TLN2: variants seen among roughly 807,000 people sequenced by gnomAD.
TLN2 encodes the protein talin 2.
In TLN2, 118 loss-of-function variants were observed where a neutral mutation model predicts 294.7. The ratio of observed to expected loss-of-function variants is 0.40; its 90% CI spans 0.34 to 0.47. The LOEUF is 0.47. Ranked by LOEUF, TLN2 falls within the 20% of genes least tolerant of loss-of-function variation. The pLI is 0.84. For synonymous variants in TLN2, 1,431 were observed against 1,304.5 expected (o/e 1.10, Z -2.09); for missense variants, 3,083 against 3,282.2 (o/e 0.94, Z 1.48).
At chr15:62,544,790 G>T (rs1264512472) in intron 1 of TLN2, among the ~76,000 whole-genome samples, 1 of 151,476 alleles carries the variant, frequency 6.6e-6, no homozygotes, top group Admixed American at 6.6e-5. Context: ...TCCTAGAATG[G>T]CAGGTTCTAA....
chr15:62,560,535 C>T (rs1447371207), intron 1 of TLN2, among the ~76,000 whole-genome samples: 2 of 152,274 alleles, frequency 1.3e-5, no homozygotes, highest in East Asian at 1.9e-4. Context: ...TCATATTGGC[C>T]GGGCTGGTCT....
At chr15:62,539,067 C>T (rs912685818) in intron 1 of TLN2, among the ~76,000 whole-genome samples, 2 of 152,060 alleles carry the variant, frequency 1.3e-5, no homozygotes, top group African/African-American at 4.8e-5. Context: ...CAGGGCCAAC[C>T]ACAGCAAAAA....
intron 1 of TLN2, among the ~76,000 whole-genome samples, chr15:62,555,729 TCAAA>T (rs1234461367): frequency 2.0e-5 from 3 of 152,196 alleles, no homozygotes; most frequent in Non-Finnish European, 4.4e-5. Context: ...GTATAATGTG[TCAAA>T]CAGTTTGCTC....
intron 1 of TLN2, among the ~76,000 whole-genome samples, chr15:62,536,255 A>T (rs777668802): frequency 6.6e-6 from 1 of 152,158 alleles, no homozygotes; most frequent in Non-Finnish European, 1.5e-5. Context: ...GGCTTTTTTA[A>T]AGCTGCTCAG....
At chr15:62,798,979 G>C (rs2065727963) in intron 48 of TLN2, among the ~76,000 whole-genome samples, 1 of 152,196 alleles carries the variant, frequency 6.6e-6, no homozygotes, top group Non-Finnish European at 1.5e-5. Flanking sequence ...TTGAACCCAG[G>C]AGGTGGAGGT....
chr15:62,504,846 T>TGTGTGTGTGTGTGA (rs1207922838), intron 1 of TLN2, among the ~76,000 whole-genome samples: 17 of 144,390 alleles, frequency 1.2e-4, no homozygotes, highest in African/African-American at 4.5e-4. Context: ...TGTGTGTGTG[T>TGTGTGTGTGTGTGA]GAGAGAGAGA....
In TLN2 at chr15:62,535,755, A is replaced by G. The variant is rs548252427; in HGVS notation, c.-237-53932A>G. On this transcript the variant is annotated intron_variant, in intron 1 of 58. Transcript: ENST00000636159. ...AATTTAGTAGAGACGGGGTTTCACT[A>G]TGTTGGTCAGGCTGGTCTCGAACTC... is the stretch of plus-strand genomic sequence containing the variant. Among the ~76,000 whole-genome samples, 4 of 152,122 alleles carry G rather than the reference A, an allele frequency of 2.6e-5. No homozygotes were observed. In the East Asian group the frequency reaches 5.8e-4, roughly 22 times the overall value.
At chr15:62,715,351 A>G (rs2059697667) in intron 22 of TLN2, among the ~76,000 whole-genome samples, 1 of 152,248 alleles carries the variant, frequency 6.6e-6, no homozygotes, top group Non-Finnish European at 1.5e-5. Context: ...ATTGCCTGAA[A>G]GCGTTCATAG....
chr15:62,438,961 G>A (rs921376443), intron 1 of TLN2, among the ~76,000 whole-genome samples: 7 of 152,234 alleles, frequency 4.6e-5, no homozygotes, highest in Admixed American at 3.9e-4. Context: ...TTAACAATAC[G>A]GTTGTGATTT....
chr15:62,618,683 C>G (rs1241179046), intron 3 of TLN2, among the ~76,000 whole-genome samples: 2 of 152,152 alleles, frequency 1.3e-5, no homozygotes, highest in African/African-American at 4.8e-5. Context: ...CTTAAAAATG[C>G]TTTTTGTTAC....
At chr15:62,828,146 G>C (rs1036270167) in intron 54 of TLN2, 4 of 152,362 alleles carry the variant, frequency 2.6e-5, no homozygotes, top group Admixed American at 2.6e-4. Flanking sequence ...CCTTTCCCAA[G>C]AGGGATCTCA....
chr15:62,719,934 G>C, intron 25 of TLN2, 54 bp downstream of exon 25: 1 of 1,391,630 alleles, frequency 7.2e-7, no homozygotes, highest in Non-Finnish European at 9.7e-7. Flanking sequence ...CTGGGCAGGG[G>C]CTGCCCTTTA....
At chr15:62,777,007 C>T (rs367749985) in intron 43 of TLN2, 97 bp downstream of exon 43, 2 of 1,166,576 alleles carry the variant, frequency 1.7e-6, no homozygotes, top group Non-Finnish European at 2.2e-6. Context: ...AGCAACAAGC[C>T]TCTTCTTTTC....
chr15:62,608,873 G>T (rs1275807235), intron 2 of TLN2, among the ~76,000 whole-genome samples: 2 of 152,038 alleles, frequency 1.3e-5, no homozygotes, highest in African/African-American at 2.4e-5. Context: ...ATTTCTAAAC[G>T]AAGGAGAGCC....
intron 41 of TLN2, among the ~76,000 whole-genome samples, chr15:62,770,423 C>G (rs1051966914): frequency 6.6e-6 from 1 of 152,164 alleles, no homozygotes; most frequent in Non-Finnish European, 1.5e-5. Flanking sequence ...TTTGTTCTCC[C>G]AAGTTGGGCG....
rs780961029 is a variant in TLN2 at position 62,842,098 on chromosome 15, G to A, written c.*1488G>A. 2.6e-5 allele frequency: 4 copies of A among 152,084 alleles called. No individual in the cohort carries two copies. The highest frequency in any genetic ancestry group is 1.9e-4 in the East Asian group (1 of 5,194). 9.4% of individuals were successfully genotyped at this position (152,084 alleles called of 1,614,324 possible). Reference sequence around the variant, plus strand: ...AAGATGTCACCTTTCGACCTTGCCCGATCTTGTTTCACCAGACTCTAGCCC... The same window carrying A: ...AAGATGTCACCTTTCGACCTTGCCCAATCTTGTTTCACCAGACTCTAGCCC... On this transcript the variant is annotated 3_prime_UTR_variant, in exon 59 of 59. Coordinates refer to ENST00000636159, the MANE Select transcript of TLN2 (RefSeq NM_015059.3).
At chr15:62,532,162 G>T (rs765399669) in intron 1 of TLN2, among the ~76,000 whole-genome samples, 5 of 151,532 alleles carry the variant, frequency 3.3e-5, no homozygotes, top group African/African-American at 7.3e-5. Flanking sequence ...CAATCCTCCC[G>T]TCTTGGCCCC....
At chr15:62,800,543 TAAAG>T (rs1340004285) in intron 49 of TLN2, 50 bp downstream of exon 49, 4 of 1,611,294 alleles carry the variant, frequency 2.5e-6, no homozygotes, top group South Asian at 2.2e-5. Context: ...TCTTCTCACT[TAAAG>T]GAAGGAGAGG....
In TLN2 at chr15:62,532,645, T is replaced by TGAC. The variant is rs543315169; in HGVS notation, c.-237-57041_-237-57039dup. Among the ~76,000 whole-genome samples, 17 of 152,284 alleles carry TGAC rather than the reference T, an allele frequency of 1.1e-4. No homozygotes were observed. The South Asian group carries it at 3.5e-3, about 32-fold the overall frequency. ...AGAAAAGCATTGCTCTTGCTTCACG[T>TGAC]GACAAATGGTGATTTAGCAACAAAA... On this transcript the variant is annotated intron_variant, in intron 1 of 58. Coordinates refer to ENST00000636159, the MANE Select transcript of TLN2 (RefSeq NM_015059.3).
Sources: allele counts gnomAD v4.1 joint callset (sites outside exome capture counted in the v4.1 genomes callset), GRCh38; gene constraint gnomAD v4.1.1; transcripts MANE v1.5; gene names NCBI Gene and HGNC (gene_info 2026-07-23, HGNC 2026-07-21).